ASAP1: variants seen among roughly 807,000 people sequenced by gnomAD.
ASAP1 encodes arf-GAP with SH3 domain, ANK repeat and PH domain-containing protein 1.
In ASAP1, 43 loss-of-function variants were observed where a neutral mutation model predicts 145.2. That is an observed-to-expected ratio of 0.30 (90% CI 0.23 to 0.38). The LOEUF (loss-of-function observed/expected upper bound fraction) is 0.38, where lower values mean the gene tolerates loss of function less well. ASAP1 is among the 10% of genes least tolerant of loss of function. ASAP1 has a pLI of 1.00. For missense variants in ASAP1, 1,018 were observed against 1,355.3 expected, an observed-to-expected ratio of 0.75 and a Z score of 3.91; for synonymous variants, 546 against 515.5, an observed-to-expected ratio of 1.06 and a Z score of -0.80.
chr8:130,185,761 GA>G (rs1022859969), intron 7 of ASAP1, among the ~76,000 whole-genome samples: 6 of 138,102 alleles, frequency 4.3e-5, no homozygotes, highest in East Asian at 2.1e-4. Flanking sequence ...AAAAGAAAAA[GA>G]AAAAAAAAGA....
intron 24 of ASAP1, among the ~76,000 whole-genome samples, chr8:130,092,758 C>T (rs1401601172): frequency 1.3e-5 from 2 of 151,906 alleles, no homozygotes; most frequent in Admixed American, 6.6e-5. Flanking sequence ...TCCTTATAAC[C>T]ATCACAGAAC....
At chr8:130,308,950 A>T (rs1823159425) in intron 3 of ASAP1, among the ~76,000 whole-genome samples, 1 of 152,186 alleles carries the variant, frequency 6.6e-6, no homozygotes, top group Admixed American at 6.5e-5. Context: ...AGAGTCTACA[A>T]CTATCACGGG....
intron 5 of ASAP1, among the ~76,000 whole-genome samples, chr8:130,190,380 T>A (rs577150375): frequency 6.6e-6 from 1 of 152,314 alleles, no homozygotes; most frequent in South Asian, 2.1e-4. Context: ...GGATATCCAA[T>A]TTTCCCAGCA....
intron 7 of ASAP1, among the ~76,000 whole-genome samples, chr8:130,184,010 ATAT>A (rs1814546616): frequency 6.6e-6 from 1 of 152,236 alleles, no homozygotes; most frequent in South Asian, 2.1e-4. Context: ...ATAAACAGAA[ATAT>A]TATTGACAGG....
At chr8:130,382,435 T>C (rs1827824551) in intron 2 of ASAP1, among the ~76,000 whole-genome samples, 1 of 152,188 alleles carries the variant, frequency 6.6e-6, no homozygotes, top group African/African-American at 2.4e-5. Flanking sequence ...TAAAGATGTG[T>C]TGAATAAGTA....
At chr8:130,366,189 G>C (rs1826940979) in intron 2 of ASAP1, among the ~76,000 whole-genome samples, 1 of 152,154 alleles carries the variant, frequency 6.6e-6, no homozygotes, top group Non-Finnish European at 1.5e-5. Context: ...GTCTACAACA[G>C]ATTATGTTGT....
intron 27 of ASAP1, among the ~76,000 whole-genome samples, chr8:130,073,386 G>A (rs1455318036): frequency 2.4e-4 from 29 of 121,200 alleles, no homozygotes; most frequent in Non-Finnish European, 4.2e-4. Context: ...GTGAAACTCC[G>A]TCTCAAAAAA....
chr8:130,078,513 G>A (rs1474443714), intron 26 of ASAP1, among the ~76,000 whole-genome samples: 3 of 150,798 alleles, frequency 2.0e-5, no homozygotes, highest in Non-Finnish European at 3.0e-5. Context: ...CTCAAACTTC[G>A]GGGCTCAAGC....
chr8:130,054,924 T>G (rs1377264529), intron 29 of ASAP1, 119 bp from the exon 30 acceptor site: 3 of 778,692 alleles, frequency 3.9e-6, no homozygotes, highest in Non-Finnish European at 6.9e-6. Context: ...ATCCCAGGCT[T>G]ACCCTTCTTC....
intron 29 of ASAP1, 132 bp downstream of exon 29, chr8:130,057,822 G>A (rs1465240295): frequency 3.5e-6 from 4 of 1,154,868 alleles, no homozygotes; most frequent in Admixed American, 4.3e-5. Flanking sequence ...GCTGTTGGGT[G>A]AGTGATGCAG....
At chr8:130,158,485 C>T (rs1235165656) in intron 12 of ASAP1, among the ~76,000 whole-genome samples, 2 of 152,098 alleles carry the variant, frequency 1.3e-5, no homozygotes, top group Admixed American at 1.3e-4. Flanking sequence ...CACTGTACTC[C>T]AGCCTGGAAG....
In ASAP1 at chr8:130,241,299, C is replaced by G. The variant is rs561825555; in HGVS notation, c.187-4305G>C. Among the ~76,000 whole-genome samples the G allele has an allele frequency of 2.0e-5, 3 of 152,218 alleles. No homozygotes were observed. In the East Asian group the frequency reaches 5.8e-4, roughly 29 times the overall value. The stretch of plus-strand genomic sequence containing the variant: ...CACCCAAGGGTTACTCTCAAATGCA[C>G]GTCATGCCAGTTTTTCCATAGTGTT... On this transcript the variant is annotated intron_variant, in intron 3 of 29. Transcript: ENST00000518721.
At chr8:130,418,652 C>A (rs1233917102) in intron 1 of ASAP1, among the ~76,000 whole-genome samples, 1 of 151,964 alleles carries the variant, frequency 6.6e-6, no homozygotes, top group Non-Finnish European at 1.5e-5. Context: ...AACCCCGAAC[C>A]CATAAGCAGT....
intron 5 of ASAP1, among the ~76,000 whole-genome samples, chr8:130,190,674 C>T (rs1207805685): frequency 2.6e-5 from 4 of 152,124 alleles, no homozygotes; most frequent in African/African-American, 9.7e-5. Flanking sequence ...TGCATCACTA[C>T]GTCCGGCCAA....
intron 3 of ASAP1, among the ~76,000 whole-genome samples, chr8:130,250,818 T>G (rs1819148870): frequency 6.6e-6 from 1 of 152,144 alleles, no homozygotes; most frequent in Non-Finnish European, 1.5e-5. Flanking sequence ...TGTAGAAAAC[T>G]GTTTCTGAGA....
intron 27 of ASAP1, among the ~76,000 whole-genome samples, chr8:130,065,720 C>G (rs971829068): frequency 5.9e-5 from 9 of 152,168 alleles, no homozygotes; most frequent in African/African-American, 2.2e-4. Context: ...ATTTATAAAA[C>G]AGTTACAGCA....
At chr8:130,408,891 T>TA (rs1478250221) in intron 1 of ASAP1, among the ~76,000 whole-genome samples, 2 of 152,336 alleles carry the variant, frequency 1.3e-5, no homozygotes, top group African/African-American at 4.8e-5. Flanking sequence ...TCTGCTGTGC[T>TA]AAGCAAGGCA....
At chr8:130,184,208 T>A (rs1479010351) in intron 7 of ASAP1, among the ~76,000 whole-genome samples, 1 of 152,206 alleles carries the variant, frequency 6.6e-6, no homozygotes, top group Non-Finnish European at 1.5e-5. Flanking sequence ...ATGTAAACAC[T>A]GAAACTAGTT....
chr8:130,380,976 CG>C (rs961677999), intron 2 of ASAP1, among the ~76,000 whole-genome samples: 3 of 152,116 alleles, frequency 2.0e-5, no homozygotes, highest in Admixed American at 6.5e-5. Flanking sequence ...CCTCGCCTCC[CG>C]GGTTCAAGTG....
Sources: gnomAD v4.1 joint callset for allele counts (sites outside exome capture counted in the v4.1 genomes callset) on GRCh38, gnomAD v4.1.1 for gene constraint, MANE v1.5 for transcripts, NCBI Gene and HGNC (gene_info 2026-07-23, HGNC 2026-07-21) for gene names.